The following CCDC50 variants were observed in gnomAD, a reference collection of about 807,000 sequenced individuals.
The protein encoded by CCDC50 is coiled-coil domain-containing protein 50.
A neutral mutation model predicts 70.2 loss-of-function variants in CCDC50; 54 were observed. That is an observed-to-expected ratio of 0.77 (90% CI 0.62 to 0.96). The LOEUF (loss-of-function observed/expected upper bound fraction) is 0.96, where lower values mean the gene tolerates loss of function less well. Among genes scored for constraint, CCDC50 ranks in the 50% least tolerant of loss-of-function variants. The pLI, the probability that CCDC50 is intolerant of heterozygous loss-of-function variation, is 0.00. For synonymous variants in CCDC50, 216 were observed against 198.8 expected (o/e 1.09, Z -0.73); for missense variants, 558 against 578.7 (o/e 0.96, Z 0.37).
In CCDC50 at chr3:191,374,774, A is replaced by C. The variant is rs182925900; in HGVS notation, c.449-288A>C. On this transcript the variant is annotated intron_variant, in intron 5 of 11. Coordinates refer to ENST00000392455, the MANE Select transcript of CCDC50 (RefSeq NM_178335.3). ...TAATGGCTATAATTTTGTTATTGGC[A>C]AATATTAAAGTGTTGTTAGCTCTAC... 1.3e-3 allele frequency among the ~76,000 whole-genome samples: 204 copies of C among 152,322 alleles called. 1 individual carries two copies. Among genetic ancestry groups the C allele is most frequent in the African/African-American group, 4.5e-3 (187 of 41,582 alleles).
chr3:191,375,609 A>T lies in CCDC50; in HGVS notation c.976+20A>T, dbSNP rs1163053058. On this transcript the variant is annotated intron_variant, in intron 6 of 11. Transcript: ENST00000392455. ...ACGCAGGTAATAGAGGACAGTCTCG[A>T]TGGAAGTCCTGGTATCATGTATATA... 6.2e-7 allele frequency: 1 copy of T among 1,609,812 alleles called. No homozygotes were observed. The highest frequency in any genetic ancestry group is 2.2e-5 in the East Asian group (1 of 44,654).
rs1717874845 is a variant in CCDC50, at chr3:191,329,604, C to T, written c.-71C>T. On this transcript the variant is annotated 5_prime_UTR_variant, in exon 1 of 12. Transcript: ENST00000392455. ...CCGCGTCCGGCGCTGCTGCTGCGCT[C>T]GGGGCCCCGCTCGGCGCCGGCGGTG... 3 of 1,523,686 alleles carry T rather than the reference C, an allele frequency of 2.0e-6. No individual in the cohort carries two copies. The highest frequency in any genetic ancestry group is 1.2e-5 in the South Asian group (1 of 83,592). The allele number at this position is 1,523,686 out of a possible 1,614,324, so 94.4% of individuals were successfully genotyped here.
chr3:191,354,055 A>C (rs1009793013), intron 1 of CCDC50, among the ~76,000 whole-genome samples: 1 of 152,180 alleles, frequency 6.6e-6, no homozygotes, highest in Admixed American at 6.6e-5. Flanking sequence ...TAATGTGTCA[A>C]ACCATATCTT....
rs761087160 is a variant in CCDC50 at position 191,397,744 on chromosome 3, A to C, written c.*5984A>C. The C allele has an allele frequency of 2.6e-5, 4 of 152,212 alleles. No homozygotes were observed. The highest frequency in any genetic ancestry group is 7.2e-5 in the African/African-American group (3 of 41,438). The allele number at this position is 152,212 out of a possible 1,614,324, so 9.4% of individuals were successfully genotyped here. On this transcript the variant is annotated 3_prime_UTR_variant, in exon 12 of 12. Transcript: ENST00000392455. ...TAGGAAGTGCCCCTTTGATATTTGG[A>C]ATGTGGATATATTTATAAAACAAAT...
At chr3:191,333,241 A>C (rs1043137423) in intron 1 of CCDC50, among the ~76,000 whole-genome samples, 16 of 152,202 alleles carry the variant, frequency 1.1e-4, no homozygotes, top group African/African-American at 3.9e-4. Context: ...ACAATTTAAT[A>C]CATTTTTAGA....
At chr3:191,354,652 C>T (rs1712215214) in intron 1 of CCDC50, among the ~76,000 whole-genome samples, 1 of 152,106 alleles carries the variant, frequency 6.6e-6, no homozygotes, top group Admixed American at 6.6e-5. Flanking sequence ...CCTATCATCT[C>T]TGTATGTATA....
At chr3:191,335,200 C>A (rs1393219514) in intron 1 of CCDC50, among the ~76,000 whole-genome samples, 1 of 152,128 alleles carries the variant, frequency 6.6e-6, no homozygotes, top group African/African-American at 2.4e-5. Flanking sequence ...ATGGAGACCA[C>A]TAAACTTAAG....
At chr3:191,367,575 T>G (rs1712739843) in intron 4 of CCDC50, among the ~76,000 whole-genome samples, 1 of 152,194 alleles carries the variant, frequency 6.6e-6, no homozygotes, top group East Asian at 1.9e-4. Flanking sequence ...CAATTCTTTA[T>G]CTGTACAATG....
intron 9 of CCDC50, 106 bp downstream of exon 9, chr3:191,381,038 T>C: frequency 1.2e-6 from 1 of 858,292 alleles, no homozygotes; most frequent in South Asian, 1.6e-5. Flanking sequence ...TATATGAATA[T>C]ATAAATTATC....
At chr3:191,371,130 T>C (rs1194197113) in intron 5 of CCDC50, among the ~76,000 whole-genome samples, 3 of 152,162 alleles carry the variant, frequency 2.0e-5, no homozygotes, top group Admixed American at 6.6e-5. Context: ...TATTAAATTT[T>C]AAGATTTCCA....
At chr3:191,358,927 G>A (rs1198919685) in intron 3 of CCDC50, among the ~76,000 whole-genome samples, 34 of 152,116 alleles carry the variant, frequency 2.2e-4, no homozygotes, top group Admixed American at 2.0e-3. Flanking sequence ...CTAACTTATA[G>A]GAAGGGTTTG....
At chr3:191,367,333 G>C (rs968122324) in intron 4 of CCDC50, among the ~76,000 whole-genome samples, 1 of 151,954 alleles carries the variant, frequency 6.6e-6, no homozygotes, top group South Asian at 2.1e-4. Context: ...CAAGAGGGCA[G>C]TTATAAGCAA....
intron 9 of CCDC50, among the ~76,000 whole-genome samples, chr3:191,381,834 A>G (rs980471110): frequency 3.3e-5 from 5 of 152,046 alleles, no homozygotes; most frequent in Admixed American, 6.6e-5. Flanking sequence ...AAATTCCTCC[A>G]TTGGGTTTCT....
chr3:191,343,939 T>A (rs964689881), intron 1 of CCDC50, among the ~76,000 whole-genome samples: 2 of 152,234 alleles, frequency 1.3e-5, no homozygotes, highest in African/African-American at 4.8e-5. Context: ...CAGTGGTTGC[T>A]AGATAAATGT....
At position 191,343,235 on chromosome 3, in the gene CCDC50, T is replaced by A. The variant is rs190417378; in HGVS notation, c.49+13512T>A. On this transcript the variant is annotated intron_variant, in intron 1 of 11. Transcript: ENST00000392455. ...TGACTGTACTTATGATGGCTATTAT[T>A]TCTCTCATATTACAGGGGCGTAAAC... Among the ~76,000 whole-genome samples the A allele has an allele frequency of 2.8e-4, 42 of 152,348 alleles. 1 individual carries two copies. The South Asian group carries it at 5.2e-3, about 19-fold the overall frequency.
chr3:191,369,676 A>AAC (rs769717157), intron 4 of CCDC50, among the ~76,000 whole-genome samples: 45 of 152,296 alleles, frequency 3.0e-4, no homozygotes, highest in Middle Eastern at 3.4e-3. Context: ...CTGAGTTTTG[A>AAC]ATGTCTTCCA....
At chr3:191,377,998 G>A (rs1367293200) in intron 6 of CCDC50, among the ~76,000 whole-genome samples, 2 of 151,922 alleles carry the variant, frequency 1.3e-5, no homozygotes, top group Admixed American at 6.6e-5. Context: ...GTTTAATGAC[G>A]GCCTTACACT....
At chr3:191,376,297 A>G (rs1713110364) in intron 6 of CCDC50, among the ~76,000 whole-genome samples, 1 of 152,200 alleles carries the variant, frequency 6.6e-6, no homozygotes, top group South Asian at 2.1e-4. Flanking sequence ...CTCCAGCTCT[A>G]ACTCTACAGT....
intron 1 of CCDC50, among the ~76,000 whole-genome samples, chr3:191,349,205 A>G (rs1340473488): frequency 7.0e-6 from 1 of 142,000 alleles, no homozygotes; most frequent in Non-Finnish European, 1.6e-5. Context: ...TTTCATTAGG[A>G]TAAGATCTAT....
Sources: gnomAD v4.1 joint callset for allele counts (sites outside exome capture counted in the v4.1 genomes callset) on GRCh38, gnomAD v4.1.1 for gene constraint, MANE v1.5 for transcripts, NCBI Gene and HGNC (gene_info 2026-07-23, HGNC 2026-07-21) for gene names.